The following TENM4 variants were observed in gnomAD, a reference collection of about 807,000 sequenced individuals.
The protein encoded by TENM4 is teneurin transmembrane protein 4, also known as teneurin-4.
TENM4 carries 82 observed loss-of-function variants against 243.3 expected under a neutral mutation model. The ratio of observed to expected loss-of-function variants is 0.34; its 90% CI spans 0.28 to 0.40. The LOEUF (loss-of-function observed/expected upper bound fraction) is 0.40. Among genes scored for constraint, TENM4 ranks in the 10% least tolerant of loss-of-function variants. The pLI, the probability that TENM4 is intolerant of heterozygous loss-of-function variation, is 1.00. For synonymous variants in TENM4, 1,412 were observed against 1,456.3 expected (o/e 0.97, Z 0.69); for missense variants, 3,138 against 3,673.3 (o/e 0.85, Z 3.77).
intron 6 of TENM4, among the ~76,000 whole-genome samples, chr11:79,023,804 C>A (rs913959016): frequency 6.6e-6 from 1 of 152,114 alleles, no homozygotes; most frequent in African/African-American, 2.4e-5. Context: ...TGGGCCAATA[C>A]TGGGGAACAA....
chr11:79,201,120 A>T (rs928048524), intron 3 of TENM4, among the ~76,000 whole-genome samples: 2 of 152,212 alleles, frequency 1.3e-5, no homozygotes, highest in African/African-American at 4.8e-5. Flanking sequence ...GACATCACAC[A>T]ACACAGAGAA....
At chr11:78,765,278 T>C (rs985419748) in intron 18 of TENM4, among the ~76,000 whole-genome samples, 3 of 152,242 alleles carry the variant, frequency 2.0e-5, no homozygotes, top group African/African-American at 4.8e-5. Context: ...AAAGTCTTTA[T>C]CTTCCCGTTA....
chr11:79,260,561 G>T (rs530405373), intron 2 of TENM4, among the ~76,000 whole-genome samples: 1 of 152,192 alleles, frequency 6.6e-6, no homozygotes, highest in African/African-American at 2.4e-5. Context: ...AGGTCTGTCT[G>T]TTTTCTGACC....
chr11:78,722,539 G>T, intron 24 of TENM4, 129 bp downstream of exon 24: 1 of 1,305,894 alleles, frequency 7.7e-7, no homozygotes. Flanking sequence ...GAGGTGAAAA[G>T]TCTCAGAGCC....
At chr11:79,176,755 G>A (rs1477425107) in intron 3 of TENM4, among the ~76,000 whole-genome samples, 1 of 152,102 alleles carries the variant, frequency 6.6e-6, no homozygotes, top group Non-Finnish European at 1.5e-5. Flanking sequence ...ATGTTATATA[G>A]TGTATAGTCA....
intron 17 of TENM4, among the ~76,000 whole-genome samples, chr11:78,774,503 C>A (rs1856703885): frequency 6.6e-6 from 1 of 152,178 alleles, no homozygotes; most frequent in African/African-American, 2.4e-5. Flanking sequence ...CTCTCAATAG[C>A]AACTGTCCCA....
intron 29 of TENM4, among the ~76,000 whole-genome samples, chr11:78,684,610 T>C (rs981116398): frequency 6.6e-6 from 1 of 152,114 alleles, no homozygotes; most frequent in African/African-American, 2.4e-5. Context: ...TAGGGCCCCT[T>C]GTCTTTAGAT....
intron 20 of TENM4, among the ~76,000 whole-genome samples, chr11:78,732,958 A>ACC (rs901111914): frequency 3.3e-5 from 5 of 152,048 alleles, no homozygotes; most frequent in Admixed American, 3.3e-4. Context: ...GGGTGTTAGA[A>ACC]CCCCAAGCCT....
intron 6 of TENM4, among the ~76,000 whole-genome samples, chr11:79,022,996 G>A (rs957837885): frequency 6.6e-6 from 1 of 152,174 alleles, no homozygotes; most frequent in Non-Finnish European, 1.5e-5. Flanking sequence ...TAACCTGCCT[G>A]AGGTCACAAC....
chr11:79,041,985 T>C (rs1195115626), intron 6 of TENM4, among the ~76,000 whole-genome samples: 1 of 152,126 alleles, frequency 6.6e-6, no homozygotes, highest in Non-Finnish European at 1.5e-5. Context: ...GTCTGGGCCT[T>C]AGGAAGGTGA....
chr11:79,226,596 TATGA>T (rs1457279902), intron 2 of TENM4, among the ~76,000 whole-genome samples: 1 of 152,172 alleles, frequency 6.6e-6, no homozygotes, highest in African/African-American at 2.4e-5. Flanking sequence ...GCCACCATAG[TATGA>T]ATGAACAGAA....
intron 12 of TENM4, among the ~76,000 whole-genome samples, chr11:78,830,650 G>A (rs571123672): frequency 5.9e-5 from 9 of 152,314 alleles, no homozygotes; most frequent in African/African-American, 1.7e-4. Context: ...TCCAGGCTAC[G>A]ACTCTCCGAA....
At chr11:79,205,038 G>A (rs191001840) in intron 3 of TENM4, among the ~76,000 whole-genome samples, 1 of 152,196 alleles carries the variant, frequency 6.6e-6, no homozygotes, top group African/African-American at 2.4e-5. Context: ...CTAAATTCCA[G>A]ATACTTGTTG....
chr11:78,928,313 T>C (rs1413016977), intron 6 of TENM4, among the ~76,000 whole-genome samples: 1 of 152,150 alleles, frequency 6.6e-6, no homozygotes, highest in Non-Finnish European at 1.5e-5. Context: ...ATATCATACG[T>C]TAAGAAGCAA....
At chr11:78,935,258 G>A (rs1856759819) in intron 6 of TENM4, among the ~76,000 whole-genome samples, 2 of 151,750 alleles carry the variant, frequency 1.3e-5, no homozygotes, top group African/African-American at 2.4e-5. Context: ...TGATCCACCC[G>A]CCTCGGCCTC....
At chr11:79,106,492 G>A (rs1019024794) in intron 4 of TENM4, among the ~76,000 whole-genome samples, 1 of 152,232 alleles carries the variant, frequency 6.6e-6, no homozygotes, top group African/African-American at 2.4e-5. Context: ...CTGTTGTGTT[G>A]CTGGGAGGAC....
chr11:78,803,509 C>A (rs1857326366), intron 15 of TENM4, among the ~76,000 whole-genome samples: 1 of 152,204 alleles, frequency 6.6e-6, no homozygotes, highest in Non-Finnish European at 1.5e-5. Flanking sequence ...CAGGGACTTT[C>A]CTCATCACAT....
At chr11:78,757,137 T>G (rs1461617915) in intron 18 of TENM4, 116 bp from the exon 19 acceptor site, 14 of 1,152,138 alleles carry the variant, frequency 1.2e-5, no homozygotes, top group Non-Finnish European at 1.7e-5. Flanking sequence ...CTTTATTAAA[T>G]GCTGATATAA....
At chr11:78,919,309 A>G (rs1856392741) in intron 6 of TENM4, among the ~76,000 whole-genome samples, 1 of 152,152 alleles carries the variant, frequency 6.6e-6, no homozygotes, top group Non-Finnish European at 1.5e-5. Flanking sequence ...AAATAACACA[A>G]TTAGTAAGAG....
Sources: allele counts gnomAD v4.1 joint callset (sites outside exome capture counted in the v4.1 genomes callset), GRCh38; gene constraint gnomAD v4.1.1; transcripts MANE v1.5; gene names NCBI Gene and HGNC (gene_info 2026-07-23, HGNC 2026-07-21).